The following GSS variants were observed in gnomAD, a reference collection of about 807,000 sequenced individuals.
GSS encodes the protein GSH synthetase.
Under a neutral mutation model 60.4 loss-of-function variants are expected in GSS, and 34 were observed. That is an observed-to-expected ratio of 0.56 (90% CI 0.43 to 0.75). The LOEUF (loss-of-function observed/expected upper bound fraction) is 0.75, where lower values mean the gene tolerates loss of function less well. Ranked by LOEUF, GSS falls within the 30% of genes least tolerant of loss-of-function variation. The pLI, the probability that GSS is intolerant of heterozygous loss-of-function variation, is 0.00. For synonymous variants in GSS, 224 were observed against 239.0 expected (o/e 0.94, Z 0.58); for missense variants, 499 against 595.1 (o/e 0.84, Z 1.68).
chr20:34,929,330 C>T, intron 12 of GSS, 71 bp downstream of exon 12: 1 of 1,288,208 alleles, frequency 7.8e-7, no homozygotes, highest in South Asian at 1.2e-5. Context: ...CAGTGTTCCC[C>T]TCTAGGCTGG....
At chr20:34,929,898 C>A (rs145121339) in intron 11 of GSS, among the ~76,000 whole-genome samples, 1 of 152,166 alleles carries the variant, frequency 6.6e-6, no homozygotes, top group African/African-American at 2.4e-5. Context: ...TGGTCCTCCA[C>A]GCTTGCTCTC....
In GSS at chr20:34,946,075, C is replaced by T. The variant is rs200148175; in HGVS notation, c.153G>A (p.Thr51=). ...SSEVVSYAPF[T]LFPSLVPSAL... ...CACTGGGGACCAGTGAGGGGAAGAG[C>T]GTGAATGGGGCATAGCTCACCACCT... The change falls in exon 3 of 13, where the codon ACG becomes ACA. Residue 51 remains threonine (T), a synonymous_variant. Transcript: ENST00000651619. 1.9e-6 allele frequency: 3 copies of T among 1,613,310 alleles called. No individual in the cohort carries two copies. The highest frequency in any genetic ancestry group is 2.2e-5 in the East Asian group (1 of 44,884).
rs1008913721 is a variant in GSS at position 34,928,480 on chromosome 20, T to C, written c.*348A>G. Reference sequence around the variant, plus strand: ...TTAAGGCAGAATTAGGGAAAGGCTATGCCCCTCCACTCCCCCTCCTCCTAC... The same window carrying C: ...TTAAGGCAGAATTAGGGAAAGGCTACGCCCCTCCACTCCCCCTCCTCCTAC... On this transcript the variant is annotated 3_prime_UTR_variant, in exon 13 of 13. Coordinates refer to ENST00000651619, the MANE Select transcript of GSS (RefSeq NM_000178.4). 7.3e-6 allele frequency: 3 copies of C among 410,982 alleles called. No individual in the cohort carries two copies. The highest frequency in any genetic ancestry group is 6.1e-5 in the African/African-American group (3 of 49,562). 25.5% of individuals were successfully genotyped at this position (410,982 alleles called of 1,614,324 possible).
intron 3 of GSS, among the ~76,000 whole-genome samples, chr20:34,945,287 T>C (rs1324056325): frequency 6.6e-6 from 1 of 151,636 alleles, no homozygotes; most frequent in Non-Finnish European, 1.5e-5. Flanking sequence ...CCTCCCAAAG[T>C]GCTGGGATTA....
In GSS at chr20:34,928,820, T is replaced by C. The variant is rs1257842788; in HGVS notation, c.*8A>G. 6.2e-7 allele frequency: 1 copy of C among 1,613,938 alleles called. No homozygotes were observed. Among genetic ancestry groups the C allele is most frequent in the Non-Finnish European group, 8.5e-7 (1 of 1,179,984 alleles). On this transcript the variant is annotated 3_prime_UTR_variant, in exon 13 of 13. Transcript: ENST00000651619. ...GAGGATAGAAGGTCCCGTGGCCTGG[T>C]TGTGCCCTCACACAGGGTATGGGTT...
chr20:34,939,214 T>C (rs1008221460), intron 6 of GSS, among the ~76,000 whole-genome samples: 3 of 152,082 alleles, frequency 2.0e-5, no homozygotes, highest in African/African-American at 7.2e-5. Flanking sequence ...CACTCCAGCC[T>C]GGGCAACAAA....
At chr20:34,934,427 C>A (rs977198474) in intron 9 of GSS, among the ~76,000 whole-genome samples, 1 of 151,874 alleles carries the variant, frequency 6.6e-6, no homozygotes, top group Non-Finnish European at 1.5e-5. Flanking sequence ...CAGGGGTATG[C>A]CACCACGCCC....
intron 10 of GSS, 54 bp from the exon 11 acceptor site, chr20:34,931,471 A>C: frequency 7.1e-7 from 1 of 1,408,798 alleles, no homozygotes; most frequent in Non-Finnish European, 1.0e-6. Flanking sequence ...AGAGGCAAGA[A>C]GCTTAGGTCC....
Position 34,945,932 on chromosome 20 carries a change from CA to C in GSS, c.275+20del, listed in dbSNP as rs770029537. 28 of 1,611,982 alleles carry C rather than the reference CA, an allele frequency of 1.7e-5. No homozygotes were observed. The highest frequency in any genetic ancestry group is 3.3e-5 in the South Asian group (3 of 90,994). ...TTGGCTCTGGCAGCTCCTGGCCCCC[CA>C]ATGCTTCACTGTCCCCTACCTGGAA... On this transcript the variant is annotated intron_variant, in intron 3 of 12. Coordinates refer to ENST00000651619, the MANE Select transcript of GSS (RefSeq NM_000178.4).
At chr20:34,929,273 A>G (rs1327784177) in intron 12 of GSS, 128 bp downstream of exon 12, 2 of 850,266 alleles carry the variant, frequency 2.4e-6, no homozygotes, top group Non-Finnish European at 4.0e-6. Context: ...TAATAAAGCT[A>G]GTGATTGGCA....
At chr20:34,931,244 C>A (rs888040464) in intron 11 of GSS, 92 bp downstream of exon 11, 1 of 1,013,084 alleles carries the variant, frequency 9.9e-7, no homozygotes, top group African/African-American at 1.6e-5. Flanking sequence ...CCCCCATGCC[C>A]GGGACTGTGC....
chr20:34,950,729 A>G (rs35294917), intron 2 of GSS, among the ~76,000 whole-genome samples: 69 of 152,244 alleles, frequency 4.5e-4, no homozygotes, highest in African/African-American at 1.6e-3. Flanking sequence ...AGATTGTGCC[A>G]CTACACTCCA....
intron 1 of GSS, among the ~76,000 whole-genome samples, chr20:34,953,575 T>C: frequency 6.6e-6 from 1 of 150,806 alleles, no homozygotes; most frequent in Admixed American, 6.6e-5. Context: ...CTTCCTTCCT[T>C]CCTTCTTTTT....
chr20:34,939,968 C>A (rs2081470099), intron 6 of GSS, among the ~76,000 whole-genome samples: 1 of 152,090 alleles, frequency 6.6e-6, no homozygotes, highest in African/African-American at 2.4e-5. Context: ...CTGCACCCGG[C>A]CTATTATTAT....
intron 2 of GSS, 101 bp downstream of exon 2, chr20:34,951,623 C>A: frequency 7.5e-7 from 1 of 1,332,856 alleles, no homozygotes. Context: ...AAAAATAAGG[C>A]AAAAGAGATA....
intron 2 of GSS, among the ~76,000 whole-genome samples, chr20:34,947,391 ATAT>A (rs2081531166): frequency 2.0e-5 from 3 of 151,984 alleles, no homozygotes; most frequent in Middle Eastern, 3.4e-3. Context: ...CCCAGCCAAA[ATAT>A]TATTATTTTT....
At chr20:34,942,152 A>C (rs1166827828) in intron 5 of GSS, among the ~76,000 whole-genome samples, 1 of 152,088 alleles carries the variant, frequency 6.6e-6, no homozygotes, top group South Asian at 2.1e-4. Context: ...AAATCATTGC[A>C]ACCTGGAGCA....
rs1216109882 is a variant in GSS at position 34,929,018 on chromosome 20, A to G, written c.1302-67T>C. 3.8e-6 allele frequency: 6 copies of G among 1,595,722 alleles called. No individual in the cohort carries two copies. The African/African-American group carries it at 8.0e-5, about 21-fold the overall frequency. The stretch of plus-strand genomic sequence containing the variant: ...GCCCCAAACCCAGGACCTTCCCTGG[A>G]CCCAGCTGAGCAGTACCTGGGTAAC... On this transcript the variant is annotated intron_variant, in intron 12 of 12. Transcript: ENST00000651619.
intron 9 of GSS, among the ~76,000 whole-genome samples, chr20:34,934,742 C>G (rs1480141249): frequency 6.6e-6 from 1 of 152,104 alleles, no homozygotes; most frequent in Non-Finnish European, 1.5e-5. Flanking sequence ...GAATTACAGA[C>G]CTAGAAGGAG....
Sources: allele counts gnomAD v4.1 joint callset (sites outside exome capture counted in the v4.1 genomes callset), GRCh38; gene constraint gnomAD v4.1.1; transcripts MANE v1.5; gene names NCBI Gene and HGNC (gene_info 2026-07-23, HGNC 2026-07-21).